Variants in SORCS3 observed in about 807,000 individuals in gnomAD.
SORCS3 encodes the protein sortilin related VPS10 domain containing receptor 3.
In SORCS3, 57 loss-of-function variants were observed where a neutral mutation model predicts 146.3. The observed-to-expected ratio is 0.39, with a 90% CI of 0.31 to 0.49. The LOEUF is 0.49. Ranked by LOEUF, SORCS3 falls within the 20% of genes least tolerant of loss-of-function variation. SORCS3 has a pLI of 0.92. For synonymous variants in SORCS3, 653 were observed against 618.5 expected, an observed-to-expected ratio of 1.06 and a Z score of -0.83; for missense variants, 1,341 against 1,575.5, an observed-to-expected ratio of 0.85 and a Z score of 2.52.
chr10:104,696,007 ATATAAT>A (rs2016173091), intron 1 of SORCS3, among the ~76,000 whole-genome samples: 2 of 120,760 alleles, frequency 1.7e-5, no homozygotes, highest in African/African-American at 6.7e-5. Flanking sequence ...CATATAATAT[ATATAAT>A]ATATATCATA....
At chr10:104,831,385 T>C (rs2496018) in intron 1 of SORCS3, among the ~76,000 whole-genome samples, 28,633 of 152,110 alleles carry the variant, frequency 0.19, 3,372 homozygotes, top group African/African-American at 0.34. Context: ...TTATCTGTTT[T>C]GCCCTGCTGA....
intron 11 of SORCS3, among the ~76,000 whole-genome samples, chr10:105,161,192 G>C (rs527340077): frequency 6.6e-6 from 1 of 152,144 alleles, no homozygotes; most frequent in Non-Finnish European, 1.5e-5. Flanking sequence ...GGATCTTTGG[G>C]AGGGATATAA....
chr10:105,114,792 C>T (rs868403199), intron 7 of SORCS3, among the ~76,000 whole-genome samples: 7 of 151,902 alleles, frequency 4.6e-5, no homozygotes, highest in African/African-American at 1.7e-4. Context: ...ATAGACCTGG[C>T]GAAGAAAAAA....
intron 1 of SORCS3, among the ~76,000 whole-genome samples, chr10:104,723,724 AT>A (rs2016582486): frequency 6.6e-6 from 1 of 152,144 alleles, no homozygotes; most frequent in Admixed American, 6.5e-5. Context: ...ATCCCTTTCC[AT>A]TGTGTAATGA....
Position 104,711,784 on chromosome 10 carries a change from T to C in SORCS3, c.627+69830T>C, listed in dbSNP as rs1490856618. Reference sequence around the variant, plus strand: ...ACAGGCTACTGAGTCCAGGGTATTGTGGCTCTGGGACACCTTGAGGAAAGT... The same window carrying C: ...ACAGGCTACTGAGTCCAGGGTATTGCGGCTCTGGGACACCTTGAGGAAAGT... On this transcript the variant is annotated intron_variant, in intron 1 of 26. Transcript: ENST00000369701. Among the ~76,000 whole-genome samples the C allele has an allele frequency of 2.6e-5, 4 of 152,342 alleles. No individual in the cohort carries two copies. In the East Asian group the frequency reaches 7.7e-4, roughly 29 times the overall value.
At position 105,062,361 on chromosome 10, in the gene SORCS3, C is replaced by T. The variant is rs1054647492; in HGVS notation, c.1028+19233C>T. On this transcript the variant is annotated intron_variant, in intron 5 of 26. Coordinates refer to ENST00000369701, the MANE Select transcript of SORCS3 (RefSeq NM_014978.3). ...GGCCTCAGTTTCTTCATTGAAAAAA[C>T]GGTATTCTAATAACAACAGCAATCT... Among the ~76,000 whole-genome samples, 6 of 152,248 alleles carry T rather than the reference C, an allele frequency of 3.9e-5. No homozygotes were observed. In the South Asian group the frequency reaches 6.2e-4, roughly 16 times the overall value.
chr10:105,168,062 T>C (rs1286784954), intron 13 of SORCS3, among the ~76,000 whole-genome samples: 1 of 152,036 alleles, frequency 6.6e-6, no homozygotes, highest in Non-Finnish European at 1.5e-5. Flanking sequence ...TCAGATCAAG[T>C]CAGTTATGGA....
intron 1 of SORCS3, among the ~76,000 whole-genome samples, chr10:104,779,795 C>T (rs964449710): frequency 5.9e-5 from 9 of 152,178 alleles, no homozygotes; most frequent in African/African-American, 2.4e-5. Context: ...GTGAGGGCCT[C>T]TTCATTCCCC....
chr10:104,648,996 T>C (rs1231309288), intron 1 of SORCS3, among the ~76,000 whole-genome samples: 1 of 152,074 alleles, frequency 6.6e-6, no homozygotes, highest in Non-Finnish European at 1.5e-5. Context: ...TGGCATGCAC[T>C]GGAAAGAGAA....
chr10:105,022,034 G>A (rs2055201148), intron 4 of SORCS3, among the ~76,000 whole-genome samples: 1 of 152,156 alleles, frequency 6.6e-6, no homozygotes, highest in South Asian at 2.1e-4. Context: ...TAGCTGCCAG[G>A]GGTTGTGGGG....
At chr10:104,779,095 A>G (rs1021433770) in intron 1 of SORCS3, among the ~76,000 whole-genome samples, 1 of 152,210 alleles carries the variant, frequency 6.6e-6, no homozygotes, top group African/African-American at 2.4e-5. Flanking sequence ...GGAAGGAATC[A>G]TGAGTCAAGG....
intron 19 of SORCS3, among the ~76,000 whole-genome samples, 181 bp from the exon 20 acceptor site, chr10:105,222,935 C>T (rs1018259226): frequency 6.6e-6 from 1 of 152,160 alleles, no homozygotes; most frequent in Non-Finnish European, 1.5e-5. Context: ...GATTTGAGTT[C>T]CCTGTTATAT....
At chr10:105,122,533 C>T (rs1299356980) in intron 7 of SORCS3, among the ~76,000 whole-genome samples, 2 of 152,072 alleles carry the variant, frequency 1.3e-5, no homozygotes, top group African/African-American at 2.4e-5. Flanking sequence ...ATTCATTCAT[C>T]CATTCATTTA....
chr10:104,747,921 A>C (rs564581361), intron 1 of SORCS3, among the ~76,000 whole-genome samples: 78 of 152,352 alleles, frequency 5.1e-4, no homozygotes, highest in Middle Eastern at 6.8e-3. Flanking sequence ...AACCTTGGGA[A>C]AGTTCTTCCT....
intron 3 of SORCS3, among the ~76,000 whole-genome samples, chr10:104,931,272 A>T (rs2133610930): frequency 6.6e-6 from 1 of 152,298 alleles, no homozygotes; most frequent in South Asian, 2.1e-4. Flanking sequence ...TTCCTGTTAG[A>T]TTACACAGAA....
At chr10:104,957,090 C>A (rs977143067) in intron 3 of SORCS3, among the ~76,000 whole-genome samples, 5 of 152,140 alleles carry the variant, frequency 3.3e-5, no homozygotes, top group African/African-American at 9.7e-5. Context: ...TCAGGTACAT[C>A]ATTCAGGACA....
chr10:105,249,172 G>A (rs543764286), intron 22 of SORCS3, among the ~76,000 whole-genome samples: 3 of 152,316 alleles, frequency 2.0e-5, no homozygotes, highest in African/African-American at 7.2e-5. Flanking sequence ...GTAGGAGATG[G>A]CCTTACATTA....
intron 1 of SORCS3, among the ~76,000 whole-genome samples, chr10:104,685,002 G>A (rs1111100): frequency 6.6e-6 from 1 of 151,682 alleles, no homozygotes; most frequent in Admixed American, 6.6e-5. Flanking sequence ...ATTTTTAGTA[G>A]AGACAGGGTT....
At chr10:105,231,583 G>A (rs1214688324) in intron 20 of SORCS3, among the ~76,000 whole-genome samples, 1 of 152,180 alleles carries the variant, frequency 6.6e-6, no homozygotes, top group Admixed American at 6.5e-5. Context: ...GAACGTCCTT[G>A]CTTTGTTTCT....
Sources: gnomAD v4.1 joint callset for allele counts (sites outside exome capture counted in the v4.1 genomes callset) on GRCh38, gnomAD v4.1.1 for gene constraint, MANE v1.5 for transcripts, NCBI Gene and HGNC (gene_info 2026-07-23, HGNC 2026-07-21) for gene names.